DNAI2: variants seen among roughly 807,000 people sequenced by gnomAD.
DNAI2 encodes dynein axonemal intermediate chain 2, also known as dynein, axonemal, intermediate polypeptide 2.
A neutral mutation model predicts 74.7 loss-of-function variants in DNAI2; 63 were observed. The observed-to-expected ratio is 0.84, with a 90% confidence interval of 0.69 to 1.04. The LOEUF (loss-of-function observed/expected upper bound fraction) is 1.04. DNAI2 is among the 50% of genes least tolerant of loss of function. The pLI, the probability that DNAI2 is intolerant of heterozygous loss-of-function variation, is 0.00. For missense variants in DNAI2, 688 were observed against 803.2 expected (o/e 0.86, Z 1.73); for synonymous variants, 289 against 314.9 (o/e 0.92, Z 0.87).
intron 1 of DNAI2, among the ~76,000 whole-genome samples, chr17:74,274,835 A>G (rs901372487): frequency 2.0e-5 from 3 of 152,170 alleles, no homozygotes; most frequent in African/African-American, 2.4e-5. Context: ...TTCTTCCTCA[A>G]CCTGGGAGCT....
chr17:74,289,530 A>G (rs1355377306), intron 4 of DNAI2, 64 bp from the exon 5 acceptor site: 25 of 1,585,534 alleles, frequency 1.6e-5, no homozygotes, highest in East Asian at 2.2e-5. Flanking sequence ...CAAAAAAAAA[A>G]AAAAGGGGGA....
At chr17:74,294,458 C>T (rs1003179758) in intron 6 of DNAI2, among the ~76,000 whole-genome samples, 9 of 152,008 alleles carry the variant, frequency 5.9e-5, no homozygotes, top group South Asian at 2.1e-4. Flanking sequence ...AACAGGTGCA[C>T]GTCACCACAC....
Position 74,314,229 on chromosome 17 carries a change from G to A in DNAI2, c.*13G>A, listed in dbSNP as rs751438337. ...AGACTTAGCCTAGAAGTCAGCCTTC[G>A]ACTGCGGCGCTATCCCTGTGTGCCT... is the stretch of plus-strand genomic sequence containing the variant. On this transcript the variant is annotated 3_prime_UTR_variant, in exon 13 of 14. Coordinates refer to ENST00000311014, the MANE Select transcript of DNAI2 (RefSeq NM_023036.6). 447 of 1,613,746 alleles carry A rather than the reference G, an allele frequency of 2.8e-4. No individual in the cohort carries two copies. The highest frequency in any genetic ancestry group is 3.7e-4 in the Non-Finnish European group (433 of 1,179,848).
intron 6 of DNAI2, among the ~76,000 whole-genome samples, chr17:74,292,423 T>C (rs886148373): frequency 1.3e-5 from 2 of 149,038 alleles, no homozygotes; most frequent in African/African-American, 4.9e-5. Context: ...TTCTTTTTTT[T>C]TTTTTTTTTT....
At position 74,305,270 on chromosome 17, in the gene DNAI2, C is replaced by T. The variant is rs774602317; in HGVS notation, c.1039C>T (p.Arg347Cys). Residue 347 changes from arginine to cysteine, a missense_variant, in exon 9 of 14, where the codon CGC (arginine) becomes TGC (cysteine). Arg to Cys is a radical substitution (Grantham distance 180). Coordinates refer to ENST00000311014, the MANE Select transcript of DNAI2 (RefSeq NM_023036.6). ...GCAGGGCATCGTCATCTCCTGCAAC[C>T]GCAAGGCCAAGACGTCAGCTGAAAA... ...TEQGIVISCNRKAKTSAEKIV... is the reference protein window; with the variant it reads ...TEQGIVISCNCKAKTSAEKIV... 32 of 1,614,102 alleles carry T rather than the reference C, an allele frequency of 2.0e-5. No homozygotes were observed. Among genetic ancestry groups the T allele is most frequent in the Admixed American group, 6.7e-5 (4 of 60,002 alleles).
At chr17:74,309,888 G>A (rs1422722393) in intron 10 of DNAI2, 129 bp from the exon 11 acceptor site, 4 of 1,244,996 alleles carry the variant, frequency 3.2e-6, no homozygotes, top group Non-Finnish European at 4.7e-6. Flanking sequence ...ACTTCATCCT[G>A]TGGGCAGAGG....
At position 74,306,378 on chromosome 17, in the gene DNAI2, C is replaced by T. The variant is rs183212481; in HGVS notation, c.1211+936C>T. Among the ~76,000 whole-genome samples, 44 of 152,222 alleles carry T rather than the reference C, an allele frequency of 2.9e-4. No individual in the cohort carries two copies. In the East Asian group the frequency reaches 7.3e-3, roughly 25 times the overall value. On this transcript the variant is annotated intron_variant, in intron 9 of 13. Transcript: ENST00000311014. Reference sequence around the variant, plus strand: ...CATCTCCTAAATTAGGTAATAAGCCCGAATTCTAACCACCCCCTTGAGTCA... The same window carrying T: ...CATCTCCTAAATTAGGTAATAAGCCTGAATTCTAACCACCCCCTTGAGTCA...
rs1215047673 is a variant in DNAI2 at position 74,312,015 on chromosome 17, G to C, written c.1507G>C (p.Glu503Gln). Reference sequence around the variant, plus strand: ...CCTGGGTGCCCAGATGTTTGAGCGTGAGACCCGGCGAGAGAAGATCCTGGA... The same window carrying C: ...CCTGGGTGCCCAGATGTTTGAGCGTCAGACCCGGCGAGAGAAGATCCTGGA... ...KNVASSMFER[E>Q]TRREKILEAR... Residue 503 changes from glutamate to glutamine, a missense_variant, in exon 12 of 14, where the codon GAG becomes CAG. By Grantham distance (29) the Glu-to-Gln change is conservative. Transcript: ENST00000311014. The C allele has an allele frequency of 6.2e-7, 1 of 1,611,624 alleles. No individual in the cohort carries two copies. The highest frequency in any genetic ancestry group is 1.1e-5 in the South Asian group (1 of 90,994).
At chr17:74,293,345 T>G (rs2052242040) in intron 6 of DNAI2, among the ~76,000 whole-genome samples, 1 of 152,196 alleles carries the variant, frequency 6.6e-6, no homozygotes, top group Non-Finnish European at 1.5e-5. Context: ...ATTAGGTACA[T>G]GCACATGCTT....
intron 6 of DNAI2, 131 bp from the exon 7 acceptor site, chr17:74,299,587 C>A: frequency 8.2e-7 from 1 of 1,223,080 alleles, no homozygotes; most frequent in Non-Finnish European, 1.1e-6. Flanking sequence ...CTGATTTGAA[C>A]CAAGCCCTGA....
Position 74,305,409 on chromosome 17 carries a change from A to T in DNAI2, c.1178A>T (p.Glu393Val). The T allele has an allele frequency of 6.2e-7, 1 of 1,614,182 alleles. No homozygotes were observed. The highest frequency in any genetic ancestry group is 1.6e-4 in the Middle Eastern group (1 of 6,062). Residue 393 changes from glutamate to valine, a missense_variant, in exon 9 of 14, where the codon GAA (glutamate) becomes GTA (valine). By Grantham distance (121) the Glu-to-Val change is moderately radical. Coordinates refer to ENST00000311014, the MANE Select transcript of DNAI2 (RefSeq NM_023036.6). ...GACTGGACAGCCCGCATTTGGTCTG[A>T]AGACAGCCGGGAATCGTCCATCATG... ...VGDWTARIWS[E>V]DSRESSIMWT...
chr17:74,310,390 C>T (rs1239805800), intron 11 of DNAI2, among the ~76,000 whole-genome samples: 1 of 151,838 alleles, frequency 6.6e-6, no homozygotes, highest in Non-Finnish European at 1.5e-5. Flanking sequence ...CGTCACTCTC[C>T]AGGATTCAGT....
rs2053723847 is a variant in DNAI2 at position 74,314,612 on chromosome 17, C to G, written c.*79C>G. ...AGACCCTCAACCAGACTTGCATGGCCATGGCAGGGCCTCGGGAAGACCTTC... is the reference window on the plus strand; with the variant it reads ...AGACCCTCAACCAGACTTGCATGGCGATGGCAGGGCCTCGGGAAGACCTTC... On this transcript the variant is annotated 3_prime_UTR_variant, in exon 14 of 14. Coordinates refer to ENST00000311014, the MANE Select transcript of DNAI2 (RefSeq NM_023036.6). 2 of 256,818 alleles carry G rather than the reference C, an allele frequency of 7.8e-6. No homozygotes were observed. Among genetic ancestry groups the G allele is most frequent in the South Asian group, 8.8e-5 (2 of 22,704 alleles). 15.9% of individuals were successfully genotyped at this position (256,818 alleles called of 1,614,324 possible). A position where few individuals can be genotyped will look rare whatever the true frequency, so the allele number is the denominator to read the frequency against.
Position 74,300,892 on chromosome 17 carries a change from A to G in DNAI2, c.865-154A>G, listed in dbSNP as rs1406663157. 2.0e-5 allele frequency among the ~76,000 whole-genome samples: 3 copies of G among 152,174 alleles called. No individual in the cohort carries two copies. The East Asian group carries it at 5.8e-4, about 29-fold the overall frequency. ...TGTGGGAACTGTGGACAGAACAGCA[A>G]TCCTCAAAGTGTATTTGCTCCCACG... On this transcript the variant is annotated intron_variant, in intron 7 of 13. Coordinates refer to ENST00000311014, the MANE Select transcript of DNAI2 (RefSeq NM_023036.6). This position sits in a 1 kb window ranked among gnomAD's most constrained non-coding sequence, Gnocchi z 4.5.
intron 12 of DNAI2, 189 bp from the exon 13 acceptor site, chr17:74,313,932 G>T: frequency 1.2e-6 from 1 of 802,776 alleles, no homozygotes. Flanking sequence ...GATTCCCCCA[G>T]CTCTGCCCAC....
At chr17:74,310,516 T>A (rs775626346) in intron 11 of DNAI2, among the ~76,000 whole-genome samples, 217 of 151,744 alleles carry the variant, frequency 1.4e-3, no homozygotes, top group Non-Finnish European at 2.3e-3. Flanking sequence ...TATATTATAT[T>A]GTATTTTAAT....
At chr17:74,298,361 A>G (rs972036086) in intron 6 of DNAI2, among the ~76,000 whole-genome samples, 3 of 151,900 alleles carry the variant, frequency 2.0e-5, no homozygotes, top group African/African-American at 7.3e-5. Context: ...CTGGAGTGCA[A>G]TGGCATGATC....
In DNAI2 at chr17:74,277,384, C is replaced by CA. The variant is rs34911667; in HGVS notation, c.-12+3056dup. Among the ~76,000 whole-genome samples the CA allele has an allele frequency of 8.9e-5, 11 of 123,834 alleles. 1 individual carries two copies. The highest frequency in any genetic ancestry group is 3.3e-4 in the African/African-American group (11 of 33,310). The allele number at this position is 123,834 out of a possible 152,430, so 81.2% of individuals were successfully genotyped here. A position where few individuals can be genotyped will look rare whatever the true frequency, so the allele number is the denominator to read the frequency against. On this transcript the variant is annotated intron_variant, in intron 1 of 13. Coordinates refer to ENST00000311014, the MANE Select transcript of DNAI2 (RefSeq NM_023036.6). Reference sequence around the variant, plus strand: ...TGGACGACAGAGCGAGAATCCATCTCAAAAAAAAAAAAAAAAAGAAAAAAG... The same window carrying CA: ...TGGACGACAGAGCGAGAATCCATCTCAAAAAAAAAAAAAAAAAAGAAAAAAG...
At chr17:74,299,562 G>A (rs887935490) in intron 6 of DNAI2, among the ~76,000 whole-genome samples, 156 bp from the exon 7 acceptor site, 3 of 152,090 alleles carry the variant, frequency 2.0e-5, no homozygotes, top group African/African-American at 7.2e-5. Flanking sequence ...TGTAGAGGCT[G>A]GTAGGAAACT....
Sources: gnomAD v4.1 joint callset for allele counts (sites outside exome capture counted in the v4.1 genomes callset) on GRCh38, gnomAD v4.1.1 for gene constraint, Gnocchi (gnomAD v3.1) non-coding constraint, MANE v1.5 for transcripts, NCBI Gene and HGNC (gene_info 2026-07-23, HGNC 2026-07-21) for gene names.